Variants in JPH2 observed in about 807,000 individuals in gnomAD.
JPH2 encodes junctophilin 2.
Under a neutral mutation model 55.9 loss-of-function variants are expected in JPH2, and 38 were observed. The ratio of observed to expected loss-of-function variants is 0.68; its 90% CI spans 0.52 to 0.89. JPH2 has a LOEUF of 0.89. JPH2 is among the 40% of genes least tolerant of loss of function. JPH2 has a pLI of 0.00. For missense variants in JPH2, 964 were observed against 1,037.6 expected (o/e 0.93, Z 0.97); for synonymous variants, 480 against 472.4 (o/e 1.02, Z -0.21).
intron 5 of JPH2, among the ~76,000 whole-genome samples, chr20:44,114,469 G>A (rs2072170767): frequency 1.3e-5 from 2 of 152,086 alleles, no homozygotes; most frequent in African/African-American, 4.8e-5. Flanking sequence ...TCTCCCAGCA[G>A]AGCAGTACAT....
At chr20:44,116,877 T>C (rs1412493067) in intron 3 of JPH2, among the ~76,000 whole-genome samples, 1 of 152,244 alleles carries the variant, frequency 6.6e-6, no homozygotes, top group Non-Finnish European at 1.5e-5. Flanking sequence ...TGAGGGATCC[T>C]CCCAGGCATA....
At chr20:44,131,552 G>A (rs1039558976) in intron 2 of JPH2, among the ~76,000 whole-genome samples, 11 of 152,134 alleles carry the variant, frequency 7.2e-5, no homozygotes, top group African/African-American at 2.2e-4. Context: ...TACATCATAG[G>A]GTAATGAAAA....
intron 1 of JPH2, among the ~76,000 whole-genome samples, chr20:44,164,827 CTTTTTTTT>C (rs71195523): frequency 7.5e-6 from 1 of 133,450 alleles, no homozygotes; most frequent in Non-Finnish European, 1.6e-5. Context: ...TGTTCTGCAC[CTTTTTTTT>C]TTTTTTTTTT....
At chr20:44,114,607 T>TGCGC (rs1199238212) in intron 5 of JPH2, among the ~76,000 whole-genome samples, 175 bp downstream of exon 5, 19 of 121,942 alleles carry the variant, frequency 1.6e-4, no homozygotes, top group African/African-American at 6.2e-4. Context: ...TGTGTGTGTG[T>TGCGC]GTGCGCTGGT....
chr20:44,178,084 CT>C, intron 1 of JPH2: 1 of 769,368 alleles, frequency 1.3e-6, no homozygotes, highest in Non-Finnish European at 2.4e-6. Flanking sequence ...TACTCTAAGT[CT>C]CAGTTGCTTA....
chr20:44,134,710 T>A (rs1370550391), intron 2 of JPH2, among the ~76,000 whole-genome samples: 1 of 39,464 alleles, frequency 2.5e-5, no homozygotes. Context: ...CATTAATATA[T>A]ATTATAAATA....
chr20:44,160,313 C>A lies in JPH2; in HGVS notation c.474G>T (p.Pro158=). The change falls in exon 2 of 6, where the codon CCG becomes CCT. Residue 158 remains proline (P), a synonymous_variant. Coordinates refer to ENST00000372980, the MANE Select transcript of JPH2 (RefSeq NM_020433.5). This position sits in a 1 kb window ranked among gnomAD's most constrained non-coding sequence, Gnocchi z 4.9. The part of the protein sequence containing the change: ...PYGMAVVVRS[P]LRTSLSSLRS... ...GCAGGGACGACAGCGACGTGCGCAGCGGCGAGCGCACCACCACGGCCATCC... is the reference window on the plus strand; with the variant it reads ...GCAGGGACGACAGCGACGTGCGCAGAGGCGAGCGCACCACCACGGCCATCC... 1 of 1,558,444 alleles carries A rather than the reference C, an allele frequency of 6.4e-7. No homozygotes were observed.
At chr20:44,113,848 C>A (rs1287787233) in intron 5 of JPH2, among the ~76,000 whole-genome samples, 1 of 152,224 alleles carries the variant, frequency 6.6e-6, no homozygotes, top group African/African-American at 2.4e-5. Flanking sequence ...ATTCCCAGAG[C>A]CCCTGTTGAA....
rs1044927632 is a variant in JPH2 at position 44,108,135 on chromosome 20, C to T, written c.*5383G>A. On this transcript the variant is annotated 3_prime_UTR_variant, in exon 6 of 6. Coordinates refer to ENST00000372980, the MANE Select transcript of JPH2 (RefSeq NM_020433.5). ...CTACATAATGAAGTCCCAATAAAAA[C>T]TCTGGACACTGAAGCACTGGTTAGC... Among the ~76,000 whole-genome samples, 2 of 152,186 alleles carry T rather than the reference C, an allele frequency of 1.3e-5. No homozygotes were observed. The highest frequency in any genetic ancestry group is 2.4e-5 in the African/African-American group (1 of 41,444).
chr20:44,122,698 G>A (rs773937109), intron 2 of JPH2, among the ~76,000 whole-genome samples: 5 of 152,136 alleles, frequency 3.3e-5, no homozygotes, highest in Non-Finnish European at 7.4e-5. Flanking sequence ...GAGGCAACGC[G>A]TGAAAGTGTT....
In JPH2 at chr20:44,160,570, A is replaced by G. The variant is rs563373018; in HGVS notation, c.380-163T>C. Among the ~76,000 whole-genome samples the G allele has an allele frequency of 2.9e-4, 44 of 152,168 alleles. No homozygotes were observed. The highest frequency in any genetic ancestry group is 1.1e-3 in the African/African-American group (44 of 41,532). On this transcript the variant is annotated intron_variant, in intron 1 of 5. Coordinates refer to ENST00000372980, the MANE Select transcript of JPH2 (RefSeq NM_020433.5). This position sits in a 1 kb window ranked among gnomAD's most constrained non-coding sequence, Gnocchi z 4.9. ...CACAGTGCTATGAGTGTTTGAGTCT[A>G]CTCGAGTGTGCAATAACACGAGTGG... is the stretch of plus-strand genomic sequence containing the variant.
chr20:44,174,391 C>A (rs1447510839), intron 1 of JPH2, among the ~76,000 whole-genome samples: 1 of 152,142 alleles, frequency 6.6e-6, no homozygotes, highest in Non-Finnish European at 1.5e-5. Flanking sequence ...GCTTAGACAC[C>A]CCCACCCCCA....
intron 4 of JPH2, 49 bp downstream of exon 4, chr20:44,115,616 C>T: frequency 6.2e-7 from 1 of 1,610,978 alleles, no homozygotes; most frequent in Non-Finnish European, 8.5e-7. Context: ...TCAAGCCCTG[C>T]TACCTCTAGG....
chr20:44,117,855 C>G (rs889637077), intron 3 of JPH2, among the ~76,000 whole-genome samples: 4 of 152,236 alleles, frequency 2.6e-5, no homozygotes, highest in Non-Finnish European at 5.9e-5. Context: ...GCCACAGTCA[C>G]TGAGAGCTTA....
chr20:44,132,351 G>GAC (rs1491055196), intron 2 of JPH2, among the ~76,000 whole-genome samples: 15 of 67,494 alleles, frequency 2.2e-4, no homozygotes, highest in African/African-American at 5.6e-4. Flanking sequence ...GAGGCAGACA[G>GAC]ACAGACACAC....
At chr20:44,137,005 G>A (rs528329940) in intron 2 of JPH2, among the ~76,000 whole-genome samples, 249 of 152,320 alleles carry the variant, frequency 1.6e-3, no homozygotes, top group Non-Finnish European at 2.3e-3. Flanking sequence ...TGTACATTAT[G>A]TGTACCAGAA....
intron 3 of JPH2, among the ~76,000 whole-genome samples, chr20:44,116,789 T>C (rs1367406260): frequency 6.6e-6 from 1 of 152,134 alleles, no homozygotes; most frequent in Non-Finnish European, 1.5e-5. Context: ...ATGGAAGGAT[T>C]GAGAAAATGC....
chr20:44,118,494 G>T lies in JPH2; in HGVS notation c.1288+11C>A. On this transcript the variant is annotated intron_variant, in intron 3 of 5. Transcript: ENST00000372980. ...GCCCTACCCTGCCCATCCTTCCCTG[G>T]CTGGCCCTACCTGGCTGGTAGAAGT... is the stretch of plus-strand genomic sequence containing the variant. 6.2e-7 allele frequency: 1 copy of T among 1,603,470 alleles called. No individual in the cohort carries two copies. Among genetic ancestry groups the T allele is most frequent in the Non-Finnish European group, 8.5e-7 (1 of 1,172,384 alleles).
chr20:44,176,042 TC>T, intron 1 of JPH2, among the ~76,000 whole-genome samples: 2 of 152,262 alleles, frequency 1.3e-5, no homozygotes, highest in Non-Finnish European at 2.9e-5. Context: ...ACACCATCCT[TC>T]CATGGTTCAG....
Sources: allele counts gnomAD v4.1 joint callset (sites outside exome capture counted in the v4.1 genomes callset), GRCh38; gene constraint gnomAD v4.1.1; non-coding constraint Gnocchi (gnomAD v3.1); transcripts MANE v1.5; gene names NCBI Gene and HGNC (gene_info 2026-07-23, HGNC 2026-07-21).